ZNF124: variants seen among roughly 807,000 people sequenced by gnomAD.
ZNF124 encodes the protein zinc finger protein HZF-16.
Under a neutral mutation model 26.6 loss-of-function variants are expected in ZNF124, and 25 were observed. The observed-to-expected ratio is 0.94, with a 90% confidence interval of 0.68 to 1.31. ZNF124 has a LOEUF of 1.31. Among genes scored for constraint, ZNF124 ranks in the 40% most tolerant of loss-of-function variants. ZNF124 has a pLI of 0.00. For synonymous variants in ZNF124, 129 were observed against 133.3 expected, an observed-to-expected ratio of 0.97 and a Z score of 0.22; for missense variants, 444 against 422.2, an observed-to-expected ratio of 1.05 and a Z score of -0.45.
At position 247,141,307 on chromosome 1, in the gene ZNF124, G is replaced by A. The variant is rs117341754; in HGVS notation, c.219-17436C>T. On this transcript the variant is annotated intron_variant, in intron 3 of 3. Transcript: ENST00000472531. ...AGCAAGGGCAGTTCCACTGCAGACA[G>A]CGGTAGCAAGGCTTTTGTTTGCTCC... is the stretch of plus-strand genomic sequence containing the variant. Among the ~76,000 whole-genome samples the A allele has an allele frequency of 9.5e-4, 144 of 151,346 alleles. No homozygotes were observed. In the East Asian group the frequency reaches 0.01, roughly 11 times the overall value.
chr1:247,170,408 G>A (rs1316878780), intron 1 of ZNF124, among the ~76,000 whole-genome samples: 2 of 150,652 alleles, frequency 1.3e-5, no homozygotes, highest in African/African-American at 4.9e-5. Context: ...TTTACTGCAA[G>A]TTCTAGAAGT....
rs1365249101 is a variant in ZNF124 at position 247,156,842 on chromosome 1, T to A, written c.780A>T (p.Glu260Asp). 6.2e-7 allele frequency: 1 copy of A among 1,614,144 alleles called. No individual in the cohort carries two copies. Among genetic ancestry groups the A allele is most frequent in the Non-Finnish European group, 8.5e-7 (1 of 1,180,016 alleles). Residue 260 changes from glutamate to aspartate, a missense_variant, in exon 4 of 4, where the codon GAA becomes GAT. Glu to Asp is a conservative substitution (Grantham distance 45). Transcript: ENST00000543802. ...TCCCACATTGCTTACATGGATAGGG[T>A]TCTTCACCAGCATGAGCCTTTATAT... ...QGHIKAHAGE[E>D]PYPCKQCGKA...
downstream of ZNF124, among the ~76,000 whole-genome samples, chr1:247,151,439 A>T (rs191363309): frequency 6.7e-6 from 1 of 150,186 alleles, no homozygotes; most frequent in Non-Finnish European, 1.5e-5. Context: ...AGATCGCGCC[A>T]CTGCACTCCA....
intron 3 of ZNF124, among the ~76,000 whole-genome samples, chr1:247,145,744 T>G (rs145695539): frequency 0.029 from 4,389 of 152,210 alleles, 226 homozygotes; most frequent in African/African-American, 0.1. Flanking sequence ...TTCTCCTGCT[T>G]CAGCCTCCCG....
At chr1:247,126,004 C>A (rs1171025836) in intron 3 of ZNF124, among the ~76,000 whole-genome samples, 1 of 150,092 alleles carries the variant, frequency 6.7e-6, no homozygotes, top group East Asian at 1.9e-4. Flanking sequence ...TGGCTCACAC[C>A]TATAATTCCA....
At chr1:247,139,842 A>G (rs1255167402) in intron 3 of ZNF124, among the ~76,000 whole-genome samples, 1 of 152,164 alleles carries the variant, frequency 6.6e-6, no homozygotes, top group African/African-American at 2.4e-5. Context: ...TCTGGCTTAT[A>G]GGGTTTCAGC....
chr1:247,150,508 A>AAAATTACTAGTCAT (rs1480109946), downstream of ZNF124, among the ~76,000 whole-genome samples: 1 of 152,198 alleles, frequency 6.6e-6, no homozygotes, highest in Non-Finnish European at 1.5e-5. Context: ...GGAAAAAAAT[A>AAAATTACTAGTCAT]AAATTACTAG....
chr1:247,155,886 CA>C lies in ZNF124; in HGVS notation c.*679del. The C allele has an allele frequency of 3.4e-6, 3 of 888,952 alleles. No homozygotes were observed. Among genetic ancestry groups the C allele is most frequent in the Non-Finnish European group, 4.0e-6 (3 of 747,052 alleles). The allele number at this position is 888,952 out of a possible 1,614,324, so 55.1% of individuals were successfully genotyped here. Reference sequence around the variant, plus strand: ...AAAAAAAAAAAAAAAAGTCTCACCTCAATTTTTTTTTTTTCAAAAGAAGTGA... The same window carrying C: ...AAAAAAAAAAAAAAAAGTCTCACCTCATTTTTTTTTTTTCAAAAGAAGTGA... On this transcript the variant is annotated 3_prime_UTR_variant, in exon 4 of 4. Transcript: ENST00000543802.
downstream of ZNF124, among the ~76,000 whole-genome samples, chr1:247,151,862 A>G (rs1247105503): frequency 1.3e-5 from 2 of 152,032 alleles, no homozygotes; most frequent in African/African-American, 4.8e-5. Context: ...GAAAAACTCA[A>G]AACAACCTAC....
downstream of ZNF124, among the ~76,000 whole-genome samples, chr1:247,151,336 G>C (rs111468616): frequency 6.6e-6 from 1 of 151,966 alleles, no homozygotes; most frequent in South Asian, 2.1e-4. Context: ...AAAATTAGCC[G>C]GGCGTGGTGG....
At chr1:247,158,061 C>A (rs1038791494) in intron 3 of ZNF124, among the ~76,000 whole-genome samples, 1 of 151,958 alleles carries the variant, frequency 6.6e-6, no homozygotes, top group Non-Finnish European at 1.5e-5. Flanking sequence ...ACCAGCCTGG[C>A]CAACATGGTG....
At chr1:247,147,063 C>T (rs1045860837) in intron 3 of ZNF124, among the ~76,000 whole-genome samples, 2 of 151,902 alleles carry the variant, frequency 1.3e-5, no homozygotes, top group Non-Finnish European at 2.9e-5. Context: ...ATGATGTCAG[C>T]AAGCTCATTC....
At position 247,156,053 on chromosome 1, in the gene ZNF124, A is replaced by AT; in HGVS notation, c.*512dup. 1 of 968,544 alleles carries AT rather than the reference A, an allele frequency of 1.0e-6. No individual in the cohort carries two copies. The highest frequency in any genetic ancestry group is 1.2e-6 in the Non-Finnish European group (1 of 814,662). 60.0% of individuals were successfully genotyped at this position (968,544 alleles called of 1,614,324 possible). ...TATTTTCCATAAGGTTTTCCATAAT[A>AT]TTTACATTTACAGGATTTATTTCCA... On this transcript the variant is annotated 3_prime_UTR_variant, in exon 4 of 4. Transcript: ENST00000543802.
chr1:247,123,725 G>A (rs1193877920), exon 4 of ZNF124: 14 of 600,226 alleles, frequency 2.3e-5, no homozygotes, highest in Non-Finnish European at 8.9e-6. Flanking sequence ...GGACTTCAAA[G>A]GTTTAGAGAA....
At chr1:247,132,974 C>T (rs1044780001) in intron 3 of ZNF124, among the ~76,000 whole-genome samples, 3 of 152,246 alleles carry the variant, frequency 2.0e-5, no homozygotes, top group Non-Finnish European at 2.9e-5. Flanking sequence ...CTCTTTAACC[C>T]GGTGTCTGAG....
At chr1:247,158,191 A>T (rs1198815456) in intron 3 of ZNF124, among the ~76,000 whole-genome samples, 1 of 152,180 alleles carries the variant, frequency 6.6e-6, no homozygotes, top group Non-Finnish European at 1.5e-5. Context: ...CGGAGGTTGC[A>T]GTGAGCCAAG....
At chr1:247,141,900 G>T (rs974674684) in intron 3 of ZNF124, among the ~76,000 whole-genome samples, 1 of 152,210 alleles carries the variant, frequency 6.6e-6, no homozygotes, top group African/African-American at 2.4e-5. Flanking sequence ...AAGCACAGTA[G>T]GTCCATTCTC....
At chr1:247,152,909 G>A (rs563346501), downstream of ZNF124, among the ~76,000 whole-genome samples, 2 of 152,176 alleles carry the variant, frequency 1.3e-5, no homozygotes, top group South Asian at 2.1e-4. Context: ...CAAGGCGGGC[G>A]GATCACGAGG....
chr1:247,156,695 T>C lies in ZNF124; in HGVS notation c.927A>G (p.Glu309=). 3 of 1,613,818 alleles carry C rather than the reference T, an allele frequency of 1.9e-6. No individual in the cohort carries two copies. In the South Asian group the frequency reaches 3.3e-5, roughly 18 times the overall value. ...FRCSSSLRDH[E]RTHTGEKPYE... is the part of the protein sequence containing the mutation. Reference sequence around the variant, plus strand: ...AGGGTTTCTCTCCAGTATGAGTCCTTTCATGGTCACGAAGGGAACTGGAAC... The same window carrying C: ...AGGGTTTCTCTCCAGTATGAGTCCTCTCATGGTCACGAAGGGAACTGGAAC... Residue 309 remains glutamate (E), a synonymous_variant, in exon 4 of 4, where the codon GAA becomes GAG. Transcript: ENST00000543802.
Sources: gnomAD v4.1 joint callset for allele counts (sites outside exome capture counted in the v4.1 genomes callset) on GRCh38, gnomAD v4.1.1 for gene constraint, MANE v1.5 for transcripts, NCBI Gene and HGNC (gene_info 2026-07-23, HGNC 2026-07-21) for gene names.